Variants in ZNF254 observed in about 807,000 individuals in gnomAD.
ZNF254 encodes the protein CTD-2017D11.1.
Under a neutral mutation model 12.4 loss-of-function variants are expected in ZNF254, and 10 were observed. That is an observed-to-expected ratio of 0.80 (90% CI 0.50 to 1.36). The LOEUF (loss-of-function observed/expected upper bound fraction) is 1.36. ZNF254 is among the 40% of genes most tolerant of loss of function. ZNF254 has a pLI of 0.00. For synonymous variants in ZNF254, 305 were observed against 253.4 expected (o/e 1.20, Z -1.93); for missense variants, 996 against 763.9 (o/e 1.30, Z -3.58).
In ZNF254 at chr19:24,091,762, G is replaced by T. The variant is rs921403560; in HGVS notation, c.30+4425G>T. 1.3e-6 allele frequency: 1 copy of T among 753,620 alleles called. No homozygotes were observed. The highest frequency in any genetic ancestry group is 1.6e-6 in the Non-Finnish European group (1 of 618,714). 46.7% of individuals were successfully genotyped at this position (753,620 alleles called of 1,614,324 possible). On this transcript the variant is annotated intron_variant, in intron 1 of 3. Coordinates refer to ENST00000357002, the MANE Select transcript of ZNF254 (RefSeq NM_203282.4). ...CCCACCTCAGCCTCCCATAGTGCTGGGATTACAGGTGTGAGCCACTGCGCC... is the reference window on the plus strand; with the variant it reads ...CCCACCTCAGCCTCCCATAGTGCTGTGATTACAGGTGTGAGCCACTGCGCC...
At chr19:24,103,153 G>C (rs548619731) in intron 1 of ZNF254, among the ~76,000 whole-genome samples, 1 of 152,140 alleles carries the variant, frequency 6.6e-6, no homozygotes, top group Admixed American at 6.6e-5. Context: ...ACTTTAAAGA[G>C]CCAGAAAATA....
At chr19:24,064,213 C>T (rs1971184919) in intron 2 of ZNF254, among the ~76,000 whole-genome samples, 1 of 152,126 alleles carries the variant, frequency 6.6e-6, no homozygotes, top group African/African-American at 2.4e-5. Flanking sequence ...TGGCCTCTTT[C>T]CACTGGGGTT....
intron 2 of ZNF254, among the ~76,000 whole-genome samples, chr19:24,068,598 G>C (rs890633152): frequency 6.6e-6 from 1 of 152,170 alleles, no homozygotes; most frequent in Non-Finnish European, 1.5e-5. Context: ...ACTGCACCCA[G>C]TCTACCTGCA....
intron 3 of ZNF254, among the ~76,000 whole-genome samples, chr19:24,116,543 C>A (rs1203112891): frequency 6.6e-6 from 1 of 152,096 alleles, no homozygotes; most frequent in African/African-American, 2.4e-5. Context: ...GCTTTCAGCT[C>A]CATCAGCTCC....
At chr19:24,092,620 A>G (rs1265656790) in intron 1 of ZNF254, among the ~76,000 whole-genome samples, 5 of 151,912 alleles carry the variant, frequency 3.3e-5, no homozygotes, top group Non-Finnish European at 7.4e-5. Context: ...AGCTCAGGCA[A>G]TCCACCTGCC....
chr19:24,095,010 T>C (rs1031936734), intron 1 of ZNF254, among the ~76,000 whole-genome samples: 1 of 152,178 alleles, frequency 6.6e-6, no homozygotes. Context: ...GTCCATTCAG[T>C]ATGTTGGCTG....
rs1975037197 is a variant in ZNF254, at chr19:24,128,287, T to A, written c.*307T>A. The A allele has an allele frequency of 3.7e-6, 1 of 271,892 alleles. No individual in the cohort carries two copies. The highest frequency in any genetic ancestry group is 4.9e-5 in the Admixed American group (1 of 20,416). 16.8% of individuals were successfully genotyped at this position (271,892 alleles called of 1,614,324 possible). A position where few individuals can be genotyped will look rare whatever the true frequency, so the allele number is the denominator to read the frequency against. ...GAAAGCATTTATACTTGAGAAGAAA[T>A]GTACAAATATTGGCAAAGTAAAAAA... On this transcript the variant is annotated 3_prime_UTR_variant, in exon 4 of 4. Coordinates refer to ENST00000357002, the MANE Select transcript of ZNF254 (RefSeq NM_203282.4).
chr19:24,095,951 A>G (rs2145716685), intron 1 of ZNF254, among the ~76,000 whole-genome samples: 1 of 152,020 alleles, frequency 6.6e-6, no homozygotes, highest in East Asian at 1.9e-4. Flanking sequence ...ATCAGGTTGT[A>G]AAATGAAGAT....
At chr19:24,082,818 A>T (rs1460454129), upstream of ZNF254, among the ~76,000 whole-genome samples, 3 of 150,924 alleles carry the variant, frequency 2.0e-5, no homozygotes, top group Non-Finnish European at 4.4e-5. Flanking sequence ...AATCTCTTCA[A>T]TTTTTTTTTA....
At chr19:24,109,984 C>T (rs1973569913) in intron 3 of ZNF254, among the ~76,000 whole-genome samples, 1 of 151,692 alleles carries the variant, frequency 6.6e-6, no homozygotes, top group South Asian at 2.1e-4. Flanking sequence ...TTGCCTTGGT[C>T]TCCCAAAGTG....
At chr19:24,043,883 T>G (rs1170399219) in intron 1 of ZNF254, among the ~76,000 whole-genome samples, 4 of 152,202 alleles carry the variant, frequency 2.6e-5, no homozygotes, top group Non-Finnish European at 5.9e-5. Context: ...GTTTTACAGT[T>G]ATCTCTGTAT....
At chr19:24,079,281 T>C (rs1971766547) in intron 2 of ZNF254, 1 of 152,194 alleles carries the variant, frequency 6.6e-6, no homozygotes, top group African/African-American at 2.4e-5. Context: ...GCAGAACCTT[T>C]CTGTCAGGTC....
chr19:24,075,741 A>C (rs12976145), intron 2 of ZNF254, among the ~76,000 whole-genome samples: 29,051 of 152,166 alleles, frequency 0.19, 2,934 homozygotes, highest in Non-Finnish European at 0.22. Flanking sequence ...ACTAGAATTC[A>C]CCAGGCTGTA....
At chr19:24,113,113 C>G (rs901321756) in intron 3 of ZNF254, among the ~76,000 whole-genome samples, 2 of 152,194 alleles carry the variant, frequency 1.3e-5, no homozygotes, top group African/African-American at 4.8e-5. Flanking sequence ...CAAGGAGGAA[C>G]TGATACCATT....
chr19:24,092,507 C>T (rs1972453282), intron 1 of ZNF254, among the ~76,000 whole-genome samples: 1 of 152,042 alleles, frequency 6.6e-6, no homozygotes, highest in African/African-American at 2.4e-5. Context: ...TTCCACGTAC[C>T]TGGGACTACA....
intron 1 of ZNF254, among the ~76,000 whole-genome samples, chr19:24,035,220 C>G: frequency 6.7e-6 from 1 of 149,140 alleles, no homozygotes; most frequent in East Asian, 2.1e-4. Context: ...CAGGCGGGCA[C>G]TGGCGTGATC....
intron 1 of ZNF254, among the ~76,000 whole-genome samples, chr19:24,095,410 A>G (rs1972615723): frequency 1.3e-5 from 2 of 152,160 alleles, no homozygotes; most frequent in African/African-American, 4.8e-5. Context: ...TAATGAGTTG[A>G]AAACAAGTTA....
chr19:24,109,016 A>G (rs775002012), intron 3 of ZNF254, among the ~76,000 whole-genome samples: 13 of 152,198 alleles, frequency 8.5e-5, no homozygotes, highest in Non-Finnish European at 1.8e-4. Flanking sequence ...TTAGCCGGGC[A>G]TGGCGGCACG....
At chr19:24,100,165 G>C (rs1240771181) in intron 1 of ZNF254, among the ~76,000 whole-genome samples, 1 of 152,048 alleles carries the variant, frequency 6.6e-6, no homozygotes, top group East Asian at 1.9e-4. Context: ...TTCATTCCAT[G>C]ACTCTTTTAT....
Sources: gnomAD v4.1 joint callset for allele counts (sites outside exome capture counted in the v4.1 genomes callset) on GRCh38, gnomAD v4.1.1 for gene constraint, MANE v1.5 for transcripts, NCBI Gene and HGNC (gene_info 2026-07-23, HGNC 2026-07-21) for gene names.